The following ZNRF2 variants were observed in gnomAD, a reference collection of about 807,000 sequenced individuals.
The protein encoded by ZNRF2 is E3 ubiquitin-protein ligase ZNRF2.
In ZNRF2, 16 loss-of-function variants were observed where a neutral mutation model predicts 20.4. The ratio of observed to expected loss-of-function variants is 0.79; its 90% CI spans 0.53 to 1.19. The LOEUF (loss-of-function observed/expected upper bound fraction) is 1.19, where lower values mean the gene tolerates loss of function less well. Ranked by LOEUF, ZNRF2 falls within the 50% of genes most tolerant of loss-of-function variation. The pLI, the probability that ZNRF2 is intolerant of heterozygous loss-of-function variation, is 0.00. For synonymous variants in ZNRF2, 178 were observed against 144.9 expected (o/e 1.23, Z -1.64); for missense variants, 363 against 332.4 (o/e 1.09, Z -0.72).
At chr7:30,297,958 G>A (rs544387547) in intron 1 of ZNRF2, among the ~76,000 whole-genome samples, 2 of 152,126 alleles carry the variant, frequency 1.3e-5, no homozygotes, top group Non-Finnish European at 2.9e-5. Flanking sequence ...TTGAACTCCT[G>A]GGCTCAAGTG....
intron 1 of ZNRF2, among the ~76,000 whole-genome samples, chr7:30,307,949 A>C (rs1047616642): frequency 2.0e-5 from 3 of 152,152 alleles, no homozygotes; most frequent in African/African-American, 7.2e-5. Flanking sequence ...AAAATGGAAG[A>C]GTAGAGTTAG....
chr7:30,291,349 G>A (rs889511134), intron 1 of ZNRF2, among the ~76,000 whole-genome samples: 1 of 152,206 alleles, frequency 6.6e-6, no homozygotes, highest in African/African-American at 2.4e-5. Flanking sequence ...ATTAACACTC[G>A]TAGTTTACAT....
At chr7:30,350,955 G>A (rs1799952682) in intron 2 of ZNRF2, among the ~76,000 whole-genome samples, 2 of 150,364 alleles carry the variant, frequency 1.3e-5, no homozygotes, top group South Asian at 4.2e-4. Flanking sequence ...TTCGCATGAA[G>A]TTTCCTTGGC....
intron 1 of ZNRF2, among the ~76,000 whole-genome samples, chr7:30,301,476 G>C (rs1039502629): frequency 3.3e-5 from 5 of 151,888 alleles, no homozygotes; most frequent in Non-Finnish European, 5.9e-5. Flanking sequence ...GAGTGAGACT[G>C]GGTCTCAAAA....
chr7:30,328,467 TTTATTTGTTA>T (rs1221222601), intron 2 of ZNRF2, among the ~76,000 whole-genome samples: 1 of 152,202 alleles, frequency 6.6e-6, no homozygotes, highest in Non-Finnish European at 1.5e-5. Flanking sequence ...AATTTTGAAA[TTTATTTGTTA>T]AGTGAATGTT....
At chr7:30,326,909 T>C (rs1799561771) in intron 2 of ZNRF2, among the ~76,000 whole-genome samples, 1 of 152,248 alleles carries the variant, frequency 6.6e-6, no homozygotes, top group African/African-American at 2.4e-5. Flanking sequence ...TTTTTTCATA[T>C]GATTCTTGGC....
At chr7:30,286,733 C>T (rs958332076) in intron 1 of ZNRF2, among the ~76,000 whole-genome samples, 1 of 152,186 alleles carries the variant, frequency 6.6e-6, no homozygotes, top group Non-Finnish European at 1.5e-5. Flanking sequence ...TCAAGACCAC[C>T]TCCCCTCTCC....
intron 2 of ZNRF2, among the ~76,000 whole-genome samples, chr7:30,344,818 T>C (rs1329706593): frequency 6.6e-6 from 1 of 152,226 alleles, no homozygotes; most frequent in Non-Finnish European, 1.5e-5. Context: ...TGCTTATCTA[T>C]GTGTCTTTTT....
chr7:30,296,814 G>A (rs1457049744), intron 1 of ZNRF2, among the ~76,000 whole-genome samples: 5 of 152,138 alleles, frequency 3.3e-5, no homozygotes, highest in Admixed American at 3.3e-4. Context: ...CTTTATAAAT[G>A]TTGAACTAAT....
intron 2 of ZNRF2, among the ~76,000 whole-genome samples, chr7:30,350,250 A>G (rs1366527271): frequency 6.6e-6 from 1 of 152,006 alleles, no homozygotes; most frequent in Non-Finnish European, 1.5e-5. Flanking sequence ...CCGAATTTCG[A>G]TTTCCAGAAT....
Position 30,345,451 on chromosome 7 carries a change from G to T in ZNRF2, c.566-10277G>T, listed in dbSNP as rs531457652. 9.3e-4 allele frequency among the ~76,000 whole-genome samples: 141 copies of T among 151,972 alleles called. 2 individuals carry two copies. In the South Asian group the frequency reaches 0.027, roughly 30 times the overall value. On this transcript the variant is annotated intron_variant, in intron 2 of 4. Transcript: ENST00000323037. ...TAAATATGTTGATTTATTGAGGCTA[G>T]ATAGTGGATATATAGTGTTCTGTTA...
intron 1 of ZNRF2, among the ~76,000 whole-genome samples, chr7:30,309,201 T>A: frequency 6.6e-6 from 1 of 152,210 alleles, no homozygotes; most frequent in East Asian, 1.9e-4. Flanking sequence ...TATAAGCTTT[T>A]ATTTGGATAT....
At chr7:30,299,275 C>T (rs775825074) in intron 1 of ZNRF2, among the ~76,000 whole-genome samples, 4 of 151,936 alleles carry the variant, frequency 2.6e-5, no homozygotes, top group Non-Finnish European at 5.9e-5. Flanking sequence ...AAAAATTAGC[C>T]GAGCGTAGTG....
At chr7:30,331,547 A>T (rs1799635231) in intron 2 of ZNRF2, among the ~76,000 whole-genome samples, 1 of 152,144 alleles carries the variant, frequency 6.6e-6, no homozygotes, top group Admixed American at 6.6e-5. Context: ...GGAAAATATG[A>T]GAGAGTACCT....
intron 1 of ZNRF2, among the ~76,000 whole-genome samples, chr7:30,295,277 A>G (rs142195753): frequency 0.011 from 1,627 of 152,214 alleles, 16 homozygotes; most frequent in Non-Finnish European, 0.012. Context: ...CTGTCCATAA[A>G]TTACAAAAGC....
chr7:30,285,229 C>T lies in ZNRF2; in HGVS notation c.-129C>T. 1.4e-6 allele frequency: 1 copy of T among 696,416 alleles called. No individual in the cohort carries two copies. The highest frequency in any genetic ancestry group is 1.9e-6 in the Non-Finnish European group (1 of 522,920). The allele number at this position is 696,416 out of a possible 1,614,324, so 43.1% of individuals were successfully genotyped here. ...TGCCCCTCTGGACGCCGGGCGGCGG[C>T]CCTGGACGTGCGGGGGCCTCTCTGG... is the stretch of plus-strand genomic sequence containing the variant. On this transcript the variant is annotated 5_prime_UTR_variant, in exon 1 of 5. Transcript: ENST00000323037.
chr7:30,357,258 G>C (rs952062209), intron 3 of ZNRF2, among the ~76,000 whole-genome samples: 1 of 152,108 alleles, frequency 6.6e-6, no homozygotes, highest in Non-Finnish European at 1.5e-5. Flanking sequence ...TCATGTCCTA[G>C]AACATAAAGC....
At chr7:30,295,686 G>C (rs1799008906) in intron 1 of ZNRF2, among the ~76,000 whole-genome samples, 1 of 152,156 alleles carries the variant, frequency 6.6e-6, no homozygotes, top group African/African-American at 2.4e-5. Context: ...CTCCAGCCTG[G>C]GTGATGGAAT....
intron 2 of ZNRF2, among the ~76,000 whole-genome samples, chr7:30,346,385 C>G (rs992987435): frequency 6.6e-6 from 1 of 151,160 alleles, no homozygotes; most frequent in African/African-American, 2.4e-5. Context: ...GTAGAGACAG[C>G]ATTTCACCAT....
Sources: allele counts gnomAD v4.1 joint callset (sites outside exome capture counted in the v4.1 genomes callset), GRCh38; gene constraint gnomAD v4.1.1; transcripts MANE v1.5; gene names NCBI Gene and HGNC (gene_info 2026-07-23, HGNC 2026-07-21).